CCDC174: variants seen among roughly 807,000 people sequenced by gnomAD.
The protein encoded by CCDC174 is coiled-coil domain-containing protein 174.
A neutral mutation model predicts 57.1 loss-of-function variants in CCDC174; 37 were observed. The ratio of observed to expected loss-of-function variants is 0.65; its 90% CI spans 0.50 to 0.85. The LOEUF (loss-of-function observed/expected upper bound fraction) is 0.85. CCDC174 is among the 40% of genes least tolerant of loss of function. The pLI is 0.00. For missense variants in CCDC174, 540 were observed against 574.3 expected, an observed-to-expected ratio of 0.94 and a Z score of 0.61; for synonymous variants, 182 against 190.2, an observed-to-expected ratio of 0.96 and a Z score of 0.35.
At position 14,671,225 on chromosome 3, in the gene CCDC174, C is replaced by A; in HGVS notation, c.*31C>A. 6.4e-7 allele frequency: 1 copy of A among 1,571,450 alleles called. No homozygotes were observed. The highest frequency in any genetic ancestry group is 8.7e-7 in the Non-Finnish European group (1 of 1,152,984). ...CAAAGCACGCTGACTTGGGTTTGTA[C>A]TTTGACAGTGCCTTTCTCTCCCAGA... On this transcript the variant is annotated 3_prime_UTR_variant, in exon 11 of 11. Coordinates refer to ENST00000383794, the MANE Select transcript of CCDC174 (RefSeq NM_016474.5).
chr3:14,652,157 C>T (rs2030791965), intron 1 of CCDC174, among the ~76,000 whole-genome samples: 1 of 152,150 alleles, frequency 6.6e-6, no homozygotes, highest in Non-Finnish European at 1.5e-5. Context: ...AACTCCGTGC[C>T]TCACCTCTGC....
Position 14,670,161 on chromosome 3 carries a change from G to C in CCDC174, c.1105+75G>C, listed in dbSNP as rs551936901. The C allele has an allele frequency of 2.4e-5, 35 of 1,474,614 alleles. No individual in the cohort carries two copies. In the African/African-American group the frequency reaches 4.3e-4, roughly 18 times the overall value. 91.3% of individuals were successfully genotyped at this position (1,474,614 alleles called of 1,614,324 possible). On this transcript the variant is annotated intron_variant, in intron 10 of 10. Transcript: ENST00000383794. ...TGGTTTTTTTTCTAGAAGCACTTGG[G>C]GTAAGTTTTAACTTCGTGCTGCCTT...
intron 5 of CCDC174, among the ~76,000 whole-genome samples, chr3:14,663,015 C>A (rs1272966968): frequency 6.6e-6 from 1 of 152,176 alleles, no homozygotes; most frequent in Non-Finnish European, 1.5e-5. Context: ...GCAGTCTCTT[C>A]TTTTGGTGTC....
At position 14,658,852 on chromosome 3, in the gene CCDC174, T is replaced by G; in HGVS notation, c.249-19T>G. The G allele has an allele frequency of 6.5e-7, 1 of 1,541,912 alleles. No homozygotes were observed. The highest frequency in any genetic ancestry group is 8.9e-7 in the Non-Finnish European group (1 of 1,129,872). On this transcript the variant is annotated intron_variant, in intron 3 of 10. Coordinates refer to ENST00000383794, the MANE Select transcript of CCDC174 (RefSeq NM_016474.5). ...CAGTTATAAGACCATTTCTAATACT[T>G]GTATTTTTTTTCTCCTAGGGAAAAA...
chr3:14,652,628 G>A (rs898072396), intron 1 of CCDC174, among the ~76,000 whole-genome samples: 15 of 152,130 alleles, frequency 9.9e-5, no homozygotes, highest in African/African-American at 3.4e-4. Flanking sequence ...ATAGCCGGGC[G>A]CGGTGACTCA....
chr3:14,661,894 C>CATAATTACA (rs55915506), intron 5 of CCDC174, 187 bp downstream of exon 5: 16 of 498,638 alleles, frequency 3.2e-5, no homozygotes, highest in Non-Finnish European at 5.7e-5. Flanking sequence ...CAAATGAAGA[C>CATAATTACA]ATAATTACAA....
At chr3:14,663,362 A>G (rs1285937201) in intron 5 of CCDC174, among the ~76,000 whole-genome samples, 4 of 152,190 alleles carry the variant, frequency 2.6e-5, no homozygotes, top group African/African-American at 9.7e-5. Context: ...GTAGCACTTA[A>G]TATACTTCCT....
At chr3:14,668,956 C>T (rs1033961327) in intron 9 of CCDC174, among the ~76,000 whole-genome samples, 4 of 152,204 alleles carry the variant, frequency 2.6e-5, no homozygotes, top group Non-Finnish European at 5.9e-5. Flanking sequence ...CCCTGCTCAC[C>T]TGTTCATGAT....
At chr3:14,652,823 A>AC (rs1361147339) in intron 1 of CCDC174, among the ~76,000 whole-genome samples, 1 of 148,308 alleles carries the variant, frequency 6.7e-6, no homozygotes, top group Non-Finnish European at 1.5e-5. Flanking sequence ...AATCGCTTGA[A>AC]CCGGGGAGGC....
intron 10 of CCDC174, among the ~76,000 whole-genome samples, chr3:14,670,674 T>G (rs2031479554): frequency 6.6e-6 from 1 of 152,232 alleles, no homozygotes; most frequent in African/African-American, 2.4e-5. Context: ...TTTTCTGTAT[T>G]TCCCCATCTA....
At position 14,671,304 on chromosome 3, in the gene CCDC174, G is replaced by T. The variant is rs1575074890; in HGVS notation, c.*110G>T. 1 of 1,168,878 alleles carries T rather than the reference G, an allele frequency of 8.6e-7. No homozygotes were observed. The highest frequency in any genetic ancestry group is 2.5e-5 in the Admixed American group (1 of 40,182). The allele number at this position is 1,168,878 out of a possible 1,614,324, so 72.4% of individuals were successfully genotyped here. The stretch of plus-strand genomic sequence containing the variant: ...TACCTTTGTCCTGTCCTTTCCCTAG[G>T]AGGCACAGACTTCGGGTTGGATTTG... On this transcript the variant is annotated 3_prime_UTR_variant, in exon 11 of 11. Transcript: ENST00000383794.
intron 3 of CCDC174, among the ~76,000 whole-genome samples, chr3:14,657,237 G>A (rs2030987690): frequency 1.3e-5 from 2 of 152,210 alleles, no homozygotes; most frequent in Admixed American, 6.5e-5. Flanking sequence ...ACTGCAGGAT[G>A]TCTGCCTCCC....
chr3:14,660,431 G>A (rs548571242), intron 4 of CCDC174, among the ~76,000 whole-genome samples: 28 of 152,338 alleles, frequency 1.8e-4, no homozygotes, highest in Middle Eastern at 3.4e-3. Context: ...TTGAACCCGC[G>A]AGGCGGAGGT....
At chr3:14,663,939 T>TA (rs1353597170) in intron 5 of CCDC174, among the ~76,000 whole-genome samples, 5 of 152,200 alleles carry the variant, frequency 3.3e-5, no homozygotes, top group African/African-American at 1.2e-4. Context: ...TAATTGCTTG[T>TA]AAAATCCTTT....
In CCDC174 at chr3:14,665,032, G is replaced by T; in HGVS notation, c.490G>T (p.Asp164Tyr). ...ATCTTTTTGCTTTCATTTCAGGGTGGATTACGTGGACTCTTTGGGGCGTTC... is the reference window on the plus strand; with the variant it reads ...ATCTTTTTGCTTTCATTTCAGGGTGTATTACGTGGACTCTTTGGGGCGTTC... ...PPQDPSEEWV[D>Y]YVDSLGRSRR... Residue 164 changes from aspartate (D) to tyrosine (Y), a missense_variant, in exon 6 of 11, where the codon GAT becomes TAT. By Grantham distance (160) the Asp-to-Tyr change is radical. Coordinates refer to ENST00000383794, the MANE Select transcript of CCDC174 (RefSeq NM_016474.5). The T allele has an allele frequency of 1.2e-6, 2 of 1,613,084 alleles. No homozygotes were observed. Among genetic ancestry groups the T allele is most frequent in the East Asian group, 4.5e-5 (2 of 44,880 alleles).
intron 4 of CCDC174, among the ~76,000 whole-genome samples, chr3:14,659,625 C>T (rs2031062144): frequency 6.6e-6 from 1 of 152,058 alleles, no homozygotes; most frequent in Non-Finnish European, 1.5e-5. Context: ...TTACAGTGAG[C>T]TGTTGATCAT....
Position 14,661,540 on chromosome 3 carries a change from A to G in CCDC174, c.318A>G (p.Val106=), listed in dbSNP as rs760137364. The part of the protein sequence containing the change: ...MTKGDFIDEE[V]EDMYLVDFTQ... ...ATTTTTATGTCCTAGATGAAGAAGT[A>G]GAGGATATGTACCTTGTGGATTTCA... is the stretch of plus-strand genomic sequence containing the variant. The change falls in exon 5 of 11, where the codon GTA becomes GTG. Residue 106 remains valine, a synonymous_variant. Coordinates refer to ENST00000383794, the MANE Select transcript of CCDC174 (RefSeq NM_016474.5). The G allele has an allele frequency of 2.5e-6, 4 of 1,601,090 alleles. No individual in the cohort carries two copies. Among genetic ancestry groups the G allele is most frequent in the East Asian group, 4.5e-5 (2 of 44,738 alleles).
At chr3:14,657,181 C>T (rs549671596) in intron 3 of CCDC174, among the ~76,000 whole-genome samples, 1 of 152,316 alleles carries the variant, frequency 6.6e-6, no homozygotes, top group Admixed American at 6.5e-5. Flanking sequence ...TATGCAGTAA[C>T]TTTTATGAAG....
At chr3:14,652,096 G>C (rs1048553247) in intron 1 of CCDC174, among the ~76,000 whole-genome samples, 1 of 152,144 alleles carries the variant, frequency 6.6e-6, no homozygotes, top group Non-Finnish European at 1.5e-5. Context: ...ACATGCGCCC[G>C]GGCCAGAACC....
Sources: gnomAD v4.1 joint callset for allele counts (sites outside exome capture counted in the v4.1 genomes callset) on GRCh38, gnomAD v4.1.1 for gene constraint, MANE v1.5 for transcripts, NCBI Gene and HGNC (gene_info 2026-07-23, HGNC 2026-07-21) for gene names.